SPAG16: variants seen among roughly 807,000 people sequenced by gnomAD.
SPAG16 encodes the protein sperm associated antigen 16, also known as sperm-associated antigen 16 protein.
A neutral mutation model predicts 80.4 loss-of-function variants in SPAG16; 86 were observed. The ratio of observed to expected loss-of-function variants is 1.07; its 90% confidence interval spans 0.90 to 1.28. The LOEUF (loss-of-function observed/expected upper bound fraction) is 1.28, where lower values mean the gene tolerates loss of function less well. Among genes scored for constraint, SPAG16 ranks in the 50% most tolerant of loss-of-function variants. The probability of loss-of-function intolerance (pLI) is 0.00; values close to 1 mark genes in which losing one functional copy is unlikely to be tolerated. For synonymous variants in SPAG16, 294 were observed against 265.9 expected, an observed-to-expected ratio of 1.11 and a Z score of -1.03; for missense variants, 870 against 765.3, an observed-to-expected ratio of 1.14 and a Z score of -1.61.
At chr2:213,421,748 C>T (rs2069600288) in intron 9 of SPAG16, among the ~76,000 whole-genome samples, 1 of 152,162 alleles carries the variant, frequency 6.6e-6, no homozygotes, top group Admixed American at 6.5e-5. Flanking sequence ...AAGGAGCTAC[C>T]CAATTTGGGT....
chr2:213,706,152 A>G (rs1367370360), intron 10 of SPAG16, among the ~76,000 whole-genome samples: 1 of 152,204 alleles, frequency 6.6e-6, no homozygotes, highest in African/African-American at 2.4e-5. Context: ...TTTTGAAGTC[A>G]TCATGGAGCC....
At chr2:213,769,098 A>T (rs981363326) in intron 10 of SPAG16, among the ~76,000 whole-genome samples, 9 of 152,210 alleles carry the variant, frequency 5.9e-5, no homozygotes, top group African/African-American at 1.7e-4. Context: ...GCATTAAAGA[A>T]GTATTGGTAG....
At chr2:214,029,951 C>T (rs1391478591) in intron 13 of SPAG16, among the ~76,000 whole-genome samples, 1 of 152,046 alleles carries the variant, frequency 6.6e-6, no homozygotes, top group Non-Finnish European at 1.5e-5. Context: ...TCACCACCTC[C>T]AAAAGTTTCC....
At chr2:214,017,218 T>C (rs2047634364) in intron 13 of SPAG16, among the ~76,000 whole-genome samples, 1 of 152,146 alleles carries the variant, frequency 6.6e-6, no homozygotes, top group South Asian at 2.1e-4. Context: ...TTTTGTTAGG[T>C]ACAAAGGTCC....
intron 15 of SPAG16, among the ~76,000 whole-genome samples, chr2:214,177,653 T>A (rs1035983605): frequency 3.3e-5 from 5 of 150,642 alleles, no homozygotes; most frequent in Non-Finnish European, 7.4e-5. Flanking sequence ...AAAATGCTTC[T>A]TATGGAAGTT....
chr2:214,404,379 A>C (rs1701880654), intron 15 of SPAG16, among the ~76,000 whole-genome samples: 1 of 152,202 alleles, frequency 6.6e-6, no homozygotes, highest in Non-Finnish European at 1.5e-5. Context: ...GTTGGATCTA[A>C]AACAAAACAA....
chr2:214,364,217 G>C (rs1204353310), intron 15 of SPAG16, among the ~76,000 whole-genome samples: 1 of 151,990 alleles, frequency 6.6e-6, no homozygotes, highest in Non-Finnish European at 1.5e-5. Context: ...CCAGTGACTA[G>C]TAATGTCGGA....
At chr2:214,039,763 T>A (rs2048907723) in intron 13 of SPAG16, among the ~76,000 whole-genome samples, 1 of 152,268 alleles carries the variant, frequency 6.6e-6, no homozygotes, top group Non-Finnish European at 1.5e-5. Flanking sequence ...TTTGCTTTGT[T>A]TTTGTATTTG....
chr2:213,652,551 G>C (rs918563260), intron 10 of SPAG16, among the ~76,000 whole-genome samples: 1 of 151,938 alleles, frequency 6.6e-6, no homozygotes, highest in Non-Finnish European at 1.5e-5. Flanking sequence ...TCCCTTGCGA[G>C]CATTTCATAT....
At chr2:213,631,988 A>C (rs747997595) in intron 10 of SPAG16, among the ~76,000 whole-genome samples, 4 of 152,124 alleles carry the variant, frequency 2.6e-5, no homozygotes, top group Non-Finnish European at 5.9e-5. Flanking sequence ...TGCCATATAA[A>C]TATTAGGATT....
At chr2:214,406,175 A>AAAGT (rs1214213065) in intron 15 of SPAG16, among the ~76,000 whole-genome samples, 1 of 152,202 alleles carries the variant, frequency 6.6e-6, no homozygotes, top group Non-Finnish European at 1.5e-5. Context: ...CATGAGAAGG[A>AAAGT]AAGTAAGTAT....
chr2:213,910,648 C>T (rs1319875158), intron 11 of SPAG16, among the ~76,000 whole-genome samples: 2 of 82,716 alleles, frequency 2.4e-5, no homozygotes, highest in African/African-American at 6.3e-5. Flanking sequence ...GCTACCACGC[C>T]CGGCTAATTT....
intron 9 of SPAG16, among the ~76,000 whole-genome samples, chr2:213,442,246 A>G (rs1300091930): frequency 6.6e-6 from 1 of 152,250 alleles, no homozygotes; most frequent in Admixed American, 6.5e-5. Flanking sequence ...CCAGATCTGT[A>G]TGAGAAACTC....
rs370071269 is a variant in SPAG16 at position 213,350,593 on chromosome 2, T to A, written c.710T>A (p.Leu237Ter). ...IRVLHEKHHTLLKEKMLTSLE... is the reference protein window; with the variant it reads ...IRVLHEKHHT The stretch of plus-strand genomic sequence containing the variant: ...GTGTTACATGAGAAACACCACACTT[T>A]ACTGAAGGAGAAAATGCTGACCTCC... Residue 237 changes from leucine (L) to a stop codon, truncating the protein, a stop_gained, in exon 7 of 16, where the codon TTA (leucine) becomes TAA (stop). Coordinates refer to ENST00000331683, the MANE Select transcript of SPAG16 (RefSeq NM_024532.5). LOFTEE classifies it high-confidence loss of function. The A allele has an allele frequency of 2.5e-6, 4 of 1,605,566 alleles. No individual in the cohort carries two copies. Among genetic ancestry groups the A allele is most frequent in the African/African-American group, 1.3e-5 (1 of 74,552 alleles).
chr2:214,167,665 A>C (rs1199233838), intron 15 of SPAG16, among the ~76,000 whole-genome samples: 1 of 152,078 alleles, frequency 6.6e-6, no homozygotes, highest in Non-Finnish European at 1.5e-5. Flanking sequence ...TAATTACTGC[A>C]GTCATTTTTG....
chr2:214,017,847 A>G (rs955800541), intron 13 of SPAG16, among the ~76,000 whole-genome samples: 14 of 152,178 alleles, frequency 9.2e-5, no homozygotes, highest in African/African-American at 3.4e-4. Context: ...TATCACTACA[A>G]TTATTATTGC....
intron 12 of SPAG16, among the ~76,000 whole-genome samples, chr2:213,943,620 T>A (rs533045786): frequency 2.0e-5 from 3 of 152,264 alleles, no homozygotes; most frequent in East Asian, 3.9e-4. Context: ...CTAAAAAAAA[T>A]TTCTGTGTAT....
chr2:213,316,562 C>T (rs1414921067), intron 4 of SPAG16, among the ~76,000 whole-genome samples: 2 of 152,172 alleles, frequency 1.3e-5, no homozygotes, highest in South Asian at 2.1e-4. Context: ...CTGCTGTTTT[C>T]CTGACTCATC....
At chr2:213,497,221 A>G (rs1046264609) in intron 10 of SPAG16, among the ~76,000 whole-genome samples, 2 of 152,168 alleles carry the variant, frequency 1.3e-5, no homozygotes, top group Non-Finnish European at 2.9e-5. Flanking sequence ...AGAAAGGTGT[A>G]CAATATGCAG....
Sources: gnomAD v4.1 joint callset for allele counts (sites outside exome capture counted in the v4.1 genomes callset) on GRCh38, gnomAD v4.1.1 for gene constraint, MANE v1.5 for transcripts, NCBI Gene and HGNC (gene_info 2026-07-23, HGNC 2026-07-21) for gene names.